Variants in UGT1A9 observed in about 807,000 individuals in gnomAD.
UGT1A9 encodes the protein UDP-glucuronosyltransferase 1A9.
A neutral mutation model predicts 45.0 loss-of-function variants in UGT1A9; 35 were observed. The ratio of observed to expected loss-of-function variants is 0.78; its 90% CI spans 0.59 to 1.03. UGT1A9 has a LOEUF of 1.03. UGT1A9 is among the 50% of genes least tolerant of loss of function. UGT1A9 has a pLI of 0.00. For missense variants in UGT1A9, 687 were observed against 666.6 expected, an observed-to-expected ratio of 1.03 and a Z score of -0.34; for synonymous variants, 278 against 250.6, an observed-to-expected ratio of 1.11 and a Z score of -1.03.
intron 1 of UGT1A9, chr2:233,713,295 G>C: frequency 6.2e-7 from 1 of 1,614,228 alleles, no homozygotes; most frequent in Non-Finnish European, 8.5e-7. Context: ...ATCGTTCTTT[G>C]AAACAGAACA....
intron 1 of UGT1A9, chr2:233,693,898 T>C: frequency 6.2e-7 from 1 of 1,613,782 alleles, no homozygotes; most frequent in Non-Finnish European, 8.5e-7. Flanking sequence ...GACTGCCTTG[T>C]TTCTTCCAGG....
chr2:233,672,552 A>G lies in UGT1A9; in HGVS notation c.618A>G (p.Arg206=), dbSNP rs2074230567. ...CAGATGCCATGACTTTCAAGGAGAG[A>G]GTACGGAACCACATCATGCACTTGG... is the stretch of plus-strand genomic sequence containing the variant. The part of the protein sequence containing the change: ...GFSDAMTFKE[R]VRNHIMHLEE... The change falls in exon 1 of 5, where the codon AGA becomes AGG. Residue 206 remains arginine (R), a synonymous_variant. Transcript: ENST00000354728. 1 of 1,613,814 alleles carries G rather than the reference A, an allele frequency of 6.2e-7. No individual in the cohort carries two copies. The highest frequency in any genetic ancestry group is 1.3e-5 in the African/African-American group (1 of 74,904).
At position 233,672,500 on chromosome 2, in the gene UGT1A9, A is replaced by G. The variant is rs2125502287; in HGVS notation, c.566A>G (p.Tyr189Cys). ...EGAQCPAPLS[Y>C]VPRILLGFSD... ...GCACAGTGCCCTGCTCCTCTTTCCT[A>G]TGTCCCCAGAATTCTCTTAGGGTTC... The change falls in exon 1 of 5, where the codon TAT (tyrosine) becomes TGT (cysteine). Residue 189 changes from tyrosine to cysteine, a missense_variant. Coordinates refer to ENST00000354728, the MANE Select transcript of UGT1A9 (RefSeq NM_021027.3). The G allele has an allele frequency of 6.2e-7, 1 of 1,613,864 alleles. No homozygotes were observed. The highest frequency in any genetic ancestry group is 8.5e-7 in the Non-Finnish European group (1 of 1,179,844).
intron 1 of UGT1A9, chr2:233,682,205 T>A: frequency 6.2e-7 from 1 of 1,614,090 alleles, no homozygotes; most frequent in Non-Finnish European, 8.5e-7. Flanking sequence ...GGACCGGGAG[T>A]TCATGGTTTT....
At chr2:233,737,546 G>C (rs1575619302) in intron 1 of UGT1A9, among the ~76,000 whole-genome samples, 1 of 152,122 alleles carries the variant, frequency 6.6e-6, no homozygotes, top group Non-Finnish European at 1.5e-5. Flanking sequence ...GCTTCGGCTT[G>C]CCCTCAGTGG....
intron 1 of UGT1A9, among the ~76,000 whole-genome samples, chr2:233,748,980 T>C (rs957360151): frequency 2.4e-4 from 36 of 151,710 alleles, no homozygotes; most frequent in African/African-American, 7.6e-4. Context: ...GATCTACTTC[T>C]TTACCAACAA....
chr2:233,693,488 T>C (rs746631423), intron 1 of UGT1A9: 2 of 1,613,982 alleles, frequency 1.2e-6, no homozygotes, highest in African/African-American at 2.7e-5. Flanking sequence ...CCTGGCTGAG[T>C]ATTTGGGCCT....
chr2:233,682,815 C>T (rs1223109916), intron 1 of UGT1A9: 1 of 1,581,258 alleles, frequency 6.3e-7, no homozygotes, highest in Non-Finnish European at 8.6e-7. Flanking sequence ...CCCTTTAGCA[C>T]ATTAAGAATA....
chr2:233,752,178 G>A (rs941619397), intron 1 of UGT1A9, among the ~76,000 whole-genome samples: 2 of 152,178 alleles, frequency 1.3e-5, no homozygotes, highest in African/African-American at 4.8e-5. Flanking sequence ...GATGTAAGCT[G>A]AATTAAAATC....
intron 1 of UGT1A9, among the ~76,000 whole-genome samples, chr2:233,677,491 T>C (rs2074391970): frequency 6.6e-6 from 1 of 152,174 alleles, no homozygotes; most frequent in Admixed American, 6.6e-5. Context: ...ATAGTTTGTA[T>C]GTTATTAGTA....
chr2:233,700,944 C>T (rs1396267587), intron 1 of UGT1A9, among the ~76,000 whole-genome samples: 1 of 151,988 alleles, frequency 6.6e-6, no homozygotes, highest in Non-Finnish European at 1.5e-5. Flanking sequence ...TGTTCAATTC[C>T]CACCTATGAG....
chr2:233,724,364 G>A lies in UGT1A9; in HGVS notation c.856-42670G>A, dbSNP rs1172748596. Among the ~76,000 whole-genome samples the A allele has an allele frequency of 6.2e-5, 9 of 145,640 alleles. 1 individual carries two copies. Among genetic ancestry groups the A allele is most frequent in the Admixed American group, 2.7e-4 (4 of 14,670 alleles). ...GACCCCCCCCACCTCCCTCCCGGAC[G>A]GGGTGGCTGCCGGGCGGAGACGCTC... On this transcript the variant is annotated intron_variant, in intron 1 of 4. Coordinates refer to ENST00000354728, the MANE Select transcript of UGT1A9 (RefSeq NM_021027.3).
Position 233,772,271 on chromosome 2 carries a change from G to A in UGT1A9, c.1305G>A (p.Glu435=). The A allele has an allele frequency of 6.2e-7, 1 of 1,614,244 alleles. No individual in the cohort carries two copies. Among genetic ancestry groups the A allele is most frequent in the Non-Finnish European group, 8.5e-7 (1 of 1,180,050 alleles). Residue 435 remains glutamate, a synonymous_variant, in exon 5 of 5, where the codon GAG becomes GAA. Transcript: ENST00000354728. The stretch of plus-strand genomic sequence containing the variant: ...CTGTCTTTGTGTTTAGTTACAAGGA[G>A]AACATCATGCGCCTCTCCAGCCTTC... ...KAVINDKSYK[E]NIMRLSSLHK...
rs201474770 is a variant in UGT1A9, at chr2:233,672,063, G to A, written c.129G>A (p.Ser43=). Residue 43 remains serine (S), a synonymous_variant, in exon 1 of 5, where the codon TCG becomes TCA. Transcript: ENST00000354728. The part of the protein sequence containing the change: ...MDGSHWFTMR[S]VVEKLILRGH... ...GGAGCCACTGGTTCACCATGAGGTC[G>A]GTGGTGGAGAAACTCATTCTCAGGG... 59 of 1,614,124 alleles carry A rather than the reference G, an allele frequency of 3.7e-5. 1 individual carries two copies. The South Asian group carries it at 5.3e-4, about 14-fold the overall frequency.
intron 1 of UGT1A9, among the ~76,000 whole-genome samples, chr2:233,727,909 C>T (rs1033821575): frequency 6.6e-6 from 1 of 152,200 alleles, no homozygotes; most frequent in Non-Finnish European, 1.5e-5. Context: ...CAAGAAGACA[C>T]AGGGGCAGTG....
At chr2:233,692,896 A>G (rs1434952658) in intron 1 of UGT1A9, 1 of 1,536,264 alleles carries the variant, frequency 6.5e-7, no homozygotes, top group Non-Finnish European at 8.7e-7. Context: ...AGGGAGAGGT[A>G]GACAGGACCT....
At position 233,755,093 on chromosome 2, in the gene UGT1A9, C is replaced by T. The variant is rs566230339; in HGVS notation, c.856-11941C>T. 8.2e-6 allele frequency: 11 copies of T among 1,335,068 alleles called. No individual in the cohort carries two copies. The East Asian group carries it at 3.7e-4, about 44-fold the overall frequency. The allele number at this position is 1,335,068 out of a possible 1,614,324, so 82.7% of individuals were successfully genotyped here. A position where few individuals can be genotyped will look rare whatever the true frequency, so the allele number is the denominator to read the frequency against. ...AGCGGTCATAGATATCGCGTTTCTA[C>T]GCGTCCGACAACACCTCGTAGGCCT... On this transcript the variant is annotated intron_variant, in intron 1 of 4. Transcript: ENST00000354728.
At chr2:233,755,040 C>T (rs756883955) in intron 1 of UGT1A9, 1 of 1,322,900 alleles carries the variant, frequency 7.6e-7, no homozygotes, top group South Asian at 1.1e-5. Flanking sequence ...GCCGCCTGCG[C>T]AGCCGCCCTC....
intron 1 of UGT1A9, among the ~76,000 whole-genome samples, chr2:233,766,110 G>T (rs1275743643): frequency 6.6e-6 from 1 of 152,184 alleles, no homozygotes; most frequent in Non-Finnish European, 1.5e-5. Context: ...TATCCTGGGG[G>T]CTTGCCTTGG....
Sources: gnomAD v4.1 joint callset for allele counts (sites outside exome capture counted in the v4.1 genomes callset) on GRCh38, gnomAD v4.1.1 for gene constraint, MANE v1.5 for transcripts, NCBI Gene and HGNC (gene_info 2026-07-23, HGNC 2026-07-21) for gene names.